AK4: variants seen among roughly 807,000 people sequenced by gnomAD.
AK4 encodes the protein adenylate kinase 4, also known as adenylate kinase 4, mitochondrial.
AK4 carries 13 observed loss-of-function variants against 24.6 expected under a neutral mutation model. That is an observed-to-expected ratio of 0.53 (90% confidence interval 0.34 to 0.84). AK4 has a LOEUF of 0.84. AK4 is among the 40% of genes least tolerant of loss of function. The probability of loss-of-function intolerance (pLI) is 0.01; values close to 1 mark genes in which losing one functional copy is unlikely to be tolerated. For synonymous variants in AK4, 88 were observed against 107.0 expected (o/e 0.82, Z 1.10); for missense variants, 192 against 288.2 (o/e 0.67, Z 2.42).
chr1:65,219,015 A>C, intron 3 of AK4, 89 bp downstream of exon 3: 1 of 999,912 alleles, frequency 1.0e-6, no homozygotes, highest in Non-Finnish European at 1.4e-6. Context: ...TGAGTAGACC[A>C]TTCAAAAAAG....
At chr1:65,172,721 T>C (rs1650578480) in intron 1 of AK4, among the ~76,000 whole-genome samples, 1 of 152,124 alleles carries the variant, frequency 6.6e-6, no homozygotes, top group Admixed American at 6.5e-5. Flanking sequence ...TGAGGTTTCT[T>C]ATTGGGTAAT....
intron 1 of AK4, among the ~76,000 whole-genome samples, chr1:65,170,387 CA>C (rs141885156): frequency 3.5e-4 from 51 of 147,104 alleles, no homozygotes; most frequent in African/African-American, 9.1e-4. Context: ...CACACACACA[CA>C]AAAAAAATCA....
chr1:65,165,053 A>C (rs989230886), intron 1 of AK4, among the ~76,000 whole-genome samples: 2 of 152,234 alleles, frequency 1.3e-5, no homozygotes, highest in Admixed American at 6.5e-5. Flanking sequence ...AATGGTCTCT[A>C]CCTTCAACAA....
chr1:65,152,358 CTCTATATATATA>C (rs1233928962), intron 1 of AK4, among the ~76,000 whole-genome samples: 11 of 30,474 alleles, frequency 3.6e-4, no homozygotes, highest in East Asian at 2.4e-3. Context: ...CTCTCTCTCT[CTCTATATATATA>C]TATATATATA....
intron 1 of AK4, among the ~76,000 whole-genome samples, chr1:65,153,249 G>T (rs1389691058): frequency 6.6e-6 from 1 of 152,152 alleles, no homozygotes; most frequent in Non-Finnish European, 1.5e-5. Flanking sequence ...CTGAATCTTT[G>T]CACATTCTTC....
chr1:65,226,093 A>G lies in AK4; in HGVS notation c.588A>G (p.Gly196=). 6.2e-7 allele frequency: 1 copy of G among 1,611,808 alleles called. No individual in the cohort carries two copies. The highest frequency in any genetic ancestry group is 1.1e-5 in the South Asian group (1 of 90,894). The change falls in exon 5 of 5, where the codon GGA becomes GGG. Residue 196 remains glycine (G), a synonymous_variant. Coordinates refer to ENST00000327299, the MANE Select transcript of AK4 (RefSeq NM_013410.4). Reference sequence around the variant, plus strand: ...GAGGAGTGCTCCACCAATTTTCCGGAACGGAGACGAACAAAATCTGGCCCT... The same window carrying G: ...GAGGAGTGCTCCACCAATTTTCCGGGACGGAGACGAACAAAATCTGGCCCT... ...KSRGVLHQFS[G]TETNKIWPYV...
At chr1:65,185,469 A>T (rs747753774) in intron 1 of AK4, among the ~76,000 whole-genome samples, 23 of 152,154 alleles carry the variant, frequency 1.5e-4, no homozygotes, top group Non-Finnish European at 3.4e-4. Flanking sequence ...TGCTTGAAGA[A>T]GTTCTTCCAG....
chr1:65,177,671 A>G (rs985862654), intron 1 of AK4, among the ~76,000 whole-genome samples: 3 of 152,238 alleles, frequency 2.0e-5, no homozygotes, highest in African/African-American at 7.2e-5. Flanking sequence ...TAAGAATGTC[A>G]GATAGCTTCA....
At chr1:65,151,154 A>G (rs1170583129) in intron 1 of AK4, among the ~76,000 whole-genome samples, 1 of 152,060 alleles carries the variant, frequency 6.6e-6, no homozygotes. Flanking sequence ...GGGTTTCACC[A>G]TCTCTACGAA....
chr1:65,214,057 G>C (rs1652050286), intron 2 of AK4, among the ~76,000 whole-genome samples: 1 of 152,174 alleles, frequency 6.6e-6, no homozygotes, highest in Admixed American at 6.6e-5. Flanking sequence ...AAGCCACCCA[G>C]TCTGTGGCAG....
rs768280167 is a variant in AK4, at chr1:65,224,841, C to A, written c.528C>A (p.Asp176Glu). The A allele has an allele frequency of 1.9e-6, 3 of 1,613,614 alleles. No individual in the cohort carries two copies. The highest frequency in any genetic ancestry group is 2.5e-6 in the Non-Finnish European group (3 of 1,179,716). ...AVAARLRQYKDVAKPVIELYK... is the reference protein window; with the variant it reads ...AVAARLRQYKEVAKPVIELYK... ...CTGCCAGGCTAAGACAGTACAAAGA[C>A]GTGGCAAAGCCAGTCATTGAATTAT... Residue 176 changes from aspartate (D) to glutamate (E), a missense_variant, in exon 4 of 5, where the codon GAC (aspartate) becomes GAA (glutamate). Coordinates refer to ENST00000327299, the MANE Select transcript of AK4 (RefSeq NM_013410.4).
chr1:65,148,123 T>C, upstream of AK4: 1 of 526,878 alleles, frequency 1.9e-6, no homozygotes, highest in Non-Finnish European at 3.0e-6. Context: ...CACGGCGCGC[T>C]TCAGCAGCTT....
intron 1 of AK4, among the ~76,000 whole-genome samples, chr1:65,186,498 G>T (rs1477023335): frequency 2.6e-5 from 4 of 152,194 alleles, no homozygotes; most frequent in Non-Finnish European, 4.4e-5. Flanking sequence ...ATGTGGCATT[G>T]AACCAACTGT....
intron 1 of AK4, among the ~76,000 whole-genome samples, chr1:65,153,371 G>A (rs1353832664): frequency 6.6e-6 from 1 of 152,146 alleles, no homozygotes; most frequent in Admixed American, 6.6e-5. Context: ...CCGGGCTCAA[G>A]TGATTGTCTT....
Position 65,226,222 on chromosome 1 carries a change from T to C in AK4, c.*45T>C. The C allele has an allele frequency of 1.4e-6, 2 of 1,471,874 alleles. No homozygotes were observed. Among genetic ancestry groups the C allele is most frequent in the South Asian group, 1.3e-5 (1 of 78,254 alleles). 91.2% of individuals were successfully genotyped at this position (1,471,874 alleles called of 1,614,324 possible). A position where few individuals can be genotyped will look rare whatever the true frequency, so the allele number is the denominator to read the frequency against. On this transcript the variant is annotated 3_prime_UTR_variant, in exon 5 of 5. Coordinates refer to ENST00000327299, the MANE Select transcript of AK4 (RefSeq NM_013410.4). ...CAGGAAGATGTGGTCATTCATTCAA[T>C]AGTGTGTGTAGTATTGGTGCTGTGT...
At chr1:65,152,360 C>CTCTCTCTCTCTATATATATATA (rs1277948363) in intron 1 of AK4, among the ~76,000 whole-genome samples, 1 of 27,940 alleles carries the variant, frequency 3.6e-5, no homozygotes, top group Non-Finnish European at 6.9e-5. Flanking sequence ...CTCTCTCTCT[C>CTCTCTCTCTCTATATATATATA]TATATATATA....
chr1:65,189,193 C>T (rs1447868428), intron 1 of AK4, among the ~76,000 whole-genome samples: 3 of 152,032 alleles, frequency 2.0e-5, no homozygotes, highest in Admixed American at 2.0e-4. Flanking sequence ...CCTCGACCTC[C>T]CAAAGTGCTG....
intron 1 of AK4, chr1:65,149,014 C>G (rs1273159316): frequency 6.6e-6 from 1 of 152,472 alleles, no homozygotes; most frequent in African/African-American, 2.4e-5. Context: ...GGCCGCGCGC[C>G]GGGGAACCTG....
chr1:65,221,952 A>G (rs1652309291), intron 3 of AK4, among the ~76,000 whole-genome samples: 1 of 152,186 alleles, frequency 6.6e-6, no homozygotes, highest in Admixed American at 6.5e-5. Flanking sequence ...TAGGACACGG[A>G]CGCAAGGAGT....
Sources: gnomAD v4.1 joint callset for allele counts (sites outside exome capture counted in the v4.1 genomes callset) on GRCh38, gnomAD v4.1.1 for gene constraint, MANE v1.5 for transcripts, NCBI Gene and HGNC (gene_info 2026-07-23, HGNC 2026-07-21) for gene names.